The following MEGF6 variants were observed in gnomAD, a reference collection of about 807,000 sequenced individuals.
MEGF6 encodes the protein multiple epidermal growth factor-like domains protein 6.
Under a neutral mutation model 207.1 loss-of-function variants are expected in MEGF6, and 184 were observed. The ratio of observed to expected loss-of-function variants is 0.89; its 90% CI spans 0.79 to 1.00. The LOEUF is 1.00. Ranked by LOEUF, MEGF6 falls within the 50% of genes least tolerant of loss-of-function variation. MEGF6 has a pLI of 0.00. For synonymous variants in MEGF6, 1,038 were observed against 910.0 expected (o/e 1.14, Z -2.53); for missense variants, 2,282 against 2,202.9 (o/e 1.04, Z -0.72).
chr1:3,553,399 A>AAGAGACC (rs1293477201), intron 4 of MEGF6, among the ~76,000 whole-genome samples: 4 of 151,426 alleles, frequency 2.6e-5, no homozygotes, highest in Admixed American at 2.0e-4. Context: ...GGACACAGGC[A>AAGAGACC]AGAGACCCTC....
chr1:3,601,553 C>T lies in MEGF6; in HGVS notation c.266+913G>A, dbSNP rs543150145. On this transcript the variant is annotated intron_variant, in intron 2 of 36. Transcript: ENST00000356575. Reference sequence around the variant, plus strand: ...GGGCCGGGTCGTCTGTTCGGGGGGTCGTCCTGTGTGCTGAGATGCTCAGCA... The same window carrying T: ...GGGCCGGGTCGTCTGTTCGGGGGGTTGTCCTGTGTGCTGAGATGCTCAGCA... Among the ~76,000 whole-genome samples the T allele has an allele frequency of 1.1e-4, 17 of 152,286 alleles. No individual in the cohort carries two copies. In the East Asian group the frequency reaches 1.3e-3, roughly 12 times the overall value.
the MEGF6 span, chr1:3,623,303 G>A: frequency 1.3e-5 from 2 of 152,144 alleles, no homozygotes; most frequent in South Asian, 2.1e-4. Context: ...GCTCCCTCCC[G>A]GCCTCTGTTC....
At chr1:3,533,869 A>T (rs1642248674) in intron 4 of MEGF6, among the ~76,000 whole-genome samples, 1 of 152,064 alleles carries the variant, frequency 6.6e-6, no homozygotes, top group Non-Finnish European at 1.5e-5. Flanking sequence ...CCTTGAAGGG[A>T]TGCTGTCTCC....
chr1:3,554,298 G>A (rs779794647), intron 4 of MEGF6, among the ~76,000 whole-genome samples: 24 of 152,284 alleles, frequency 1.6e-4, no homozygotes, highest in South Asian at 1.0e-3. Context: ...AGGCGGCTCC[G>A]AGAGAGTGTC....
chr1:3,513,758 TAA>T (rs1297771264), intron 7 of MEGF6, among the ~76,000 whole-genome samples: 1 of 147,862 alleles, frequency 6.8e-6, no homozygotes. Flanking sequence ...CCTGGCTAAT[TAA>T]AAAAAAAATT....
chr1:3,543,072 C>T (rs1642580395), intron 4 of MEGF6, among the ~76,000 whole-genome samples: 1 of 152,232 alleles, frequency 6.6e-6, no homozygotes, highest in Non-Finnish European at 1.5e-5. Context: ...GGGAGATGAG[C>T]CCACTCCGGA....
the MEGF6 span, among the ~76,000 whole-genome samples, chr1:3,623,935 G>A: frequency 6.6e-6 from 1 of 152,112 alleles, no homozygotes; most frequent in Admixed American, 6.5e-5. Context: ...ACTTCCCTGG[G>A]GTCTCCCAGC....
Position 3,497,298 on chromosome 1 carries a change from G to T in MEGF6, c.3416C>A (p.Ala1139Asp). The T allele has an allele frequency of 6.4e-7, 1 of 1,551,246 alleles. No homozygotes were observed. Among genetic ancestry groups the T allele is most frequent in the Non-Finnish European group, 8.7e-7 (1 of 1,152,376 alleles). ...GCAGGCCCCAGTGACGTGGTGGCAG[G>T]CAGCGCCAGGCGGGCAGCTGCAGCG... ...AQRCSCPPGA[A>D]CHHVTGACRC... Residue 1139 changes from alanine (A) to aspartate (D), a missense_variant, in exon 27 of 37, where the codon GCC (alanine) becomes GAC (aspartate). Physicochemically the swap from Ala to Asp is moderately radical, Grantham distance 126. Coordinates refer to ENST00000356575, the MANE Select transcript of MEGF6 (RefSeq NM_001409.4).
intron 13 of MEGF6, among the ~76,000 whole-genome samples, 196 bp from the exon 14 acceptor site, chr1:3,508,119 G>A (rs1641188225): frequency 6.6e-6 from 1 of 152,194 alleles, no homozygotes; most frequent in Admixed American, 6.5e-5. Flanking sequence ...AACACCAGCA[G>A]AGAGAGGAGT....
At chr1:3,509,005 G>T in intron 12 of MEGF6, 70 bp downstream of exon 12, 1 of 1,433,268 alleles carries the variant, frequency 7.0e-7, no homozygotes. Context: ...TTGGATGGCA[G>T]CCTAGCCCGA....
At position 3,601,100 on chromosome 1, in the gene MEGF6, G is replaced by A. The variant is rs146607386; in HGVS notation, c.266+1366C>T. 5.5e-4 allele frequency among the ~76,000 whole-genome samples: 84 copies of A among 152,320 alleles called. No individual in the cohort carries two copies. In the East Asian group the frequency reaches 0.011, roughly 20 times the overall value. On this transcript the variant is annotated intron_variant, in intron 2 of 36. Transcript: ENST00000356575. Reference sequence around the variant, plus strand: ...GCCCTGCCAGGAGGCTGAGGACCCCGGCACATCGGCAATGCTGCTCCCACC... The same window carrying A: ...GCCCTGCCAGGAGGCTGAGGACCCCAGCACATCGGCAATGCTGCTCCCACC...
chr1:3,491,502 T>C (rs976494590), intron 35 of MEGF6, among the ~76,000 whole-genome samples: 1 of 150,510 alleles, frequency 6.6e-6, no homozygotes, highest in African/African-American at 2.5e-5. Flanking sequence ...GGGGCTCCCC[T>C]GTCTTAAGGC....
intron 4 of MEGF6, among the ~76,000 whole-genome samples, chr1:3,532,107 G>A (rs1383078773): frequency 6.6e-6 from 1 of 152,228 alleles, no homozygotes. Context: ...GGCCAGCAGT[G>A]CCCAGGTGTC....
intron 17 of MEGF6, among the ~76,000 whole-genome samples, chr1:3,504,679 T>C (rs1641036181): frequency 6.6e-6 from 1 of 152,088 alleles, no homozygotes. Context: ...CCTCCTCCCC[T>C]GCCTGCTATG....
rs376271457 is a variant in MEGF6 at position 3,511,668 on chromosome 1, C to G, written c.996G>C (p.Val332=). 30 of 1,609,374 alleles carry G rather than the reference C, an allele frequency of 1.9e-5. No homozygotes were observed. The African/African-American group carries it at 3.2e-4, about 17-fold the overall frequency. Residue 332 remains valine (V), a synonymous_variant, in exon 9 of 37, where the codon GTG becomes GTC. Coordinates refer to ENST00000356575, the MANE Select transcript of MEGF6 (RefSeq NM_001409.4). The part of the protein sequence containing the change: ...RQCYRIEMEI[V]NSCEANNGGC... ...CGCCGTTGTTGGCCTCACAGCTGTT[C>G]ACGATTTCCATCTCAATCCCTGCCG... is the stretch of plus-strand genomic sequence containing the variant.
Position 3,556,706 on chromosome 1 carries a change from G to A in MEGF6, c.481+23119C>T, listed in dbSNP as rs949113241. On this transcript the variant is annotated intron_variant, in intron 4 of 36. Transcript: ENST00000356575. This position sits in a 1 kb window ranked among gnomAD's most constrained non-coding sequence, Gnocchi z 4.4. ...CTCCATTGTGGACAAGGGGTGGCAC[G>A]TACGTTATCCTTCAAAACAGGACAC... 2.6e-5 allele frequency among the ~76,000 whole-genome samples: 4 copies of A among 152,158 alleles called. No homozygotes were observed. The highest frequency in any genetic ancestry group is 5.9e-5 in the Non-Finnish European group (4 of 68,038).
rs1276191618 is a variant in MEGF6 at position 3,505,330 on chromosome 1, C to A, written c.2066G>T (p.Gly689Val). ...CTGCCAGCACCCCGGCCCAAAGTAG[C>A]CCAGCTCACACTCTGCAGGGCGTGA... ...GERCQAECEL[G>V]YFGPGCWQAC... Residue 689 changes from glycine (G) to valine (V), a missense_variant, in exon 17 of 37, where the codon GGC becomes GTC. Coordinates refer to ENST00000356575, the MANE Select transcript of MEGF6 (RefSeq NM_001409.4). The A allele has an allele frequency of 6.2e-7, 1 of 1,611,358 alleles. No individual in the cohort carries two copies.
rs541435652 is a variant in MEGF6, at chr1:3,512,275, C to T, written c.854-147G>A. ...TCAAGGCCAATCCCACTGTCCCTGA[C>T]GGCCACTAGTCACAGCCCTGCAGGT... On this transcript the variant is annotated intron_variant, in intron 7 of 36. Transcript: ENST00000356575. 142 of 1,086,944 alleles carry T rather than the reference C, an allele frequency of 1.3e-4. No homozygotes were observed. In the African/African-American group the frequency reaches 1.9e-3, roughly 15 times the overall value. 67.3% of individuals were successfully genotyped at this position (1,086,944 alleles called of 1,614,324 possible). A position where few individuals can be genotyped will look rare whatever the true frequency, so the allele number is the denominator to read the frequency against.
At chr1:3,491,337 G>A (rs879852565) in intron 35 of MEGF6, among the ~76,000 whole-genome samples, 8 of 151,894 alleles carry the variant, frequency 5.3e-5, no homozygotes, top group Non-Finnish European at 8.8e-5. Flanking sequence ...CACTGCCCCC[G>A]GCACCCGGCA....
Sources: allele counts gnomAD v4.1 joint callset (sites outside exome capture counted in the v4.1 genomes callset), GRCh38; gene constraint gnomAD v4.1.1; non-coding constraint Gnocchi (gnomAD v3.1); transcripts MANE v1.5; gene names NCBI Gene and HGNC (gene_info 2026-07-23, HGNC 2026-07-21).